Variants in SEMA3D observed in about 807,000 individuals in gnomAD.
The protein encoded by SEMA3D is semaphorin 3D.
SEMA3D carries 84 observed loss-of-function variants against 100.1 expected under a neutral mutation model. That is an observed-to-expected ratio of 0.84 (90% CI 0.70 to 1.01). The LOEUF (loss-of-function observed/expected upper bound fraction) is 1.01. Ranked by LOEUF, SEMA3D falls within the 50% of genes least tolerant of loss-of-function variation. SEMA3D has a pLI of 0.00. For synonymous variants in SEMA3D, 312 were observed against 320.7 expected (o/e 0.97, Z 0.29); for missense variants, 875 against 934.1 (o/e 0.94, Z 0.82).
chr7:85,144,692 G>A (rs1431845585), intron 2 of SEMA3D: 1 of 985,070 alleles, frequency 1.0e-6, no homozygotes, highest in Non-Finnish European at 1.2e-6. Flanking sequence ...AATTAAAGCT[G>A]TGTTTGTTCT....
intron 12 of SEMA3D, among the ~76,000 whole-genome samples, chr7:85,025,585 G>T (rs369855989): frequency 6.6e-6 from 1 of 151,950 alleles, no homozygotes; most frequent in Non-Finnish European, 1.5e-5. Flanking sequence ...TTTTCTCCCC[G>T]CAGCTTCAGG....
intron 3 of SEMA3D, among the ~76,000 whole-genome samples, chr7:85,113,510 T>C (rs1451699012): frequency 6.0e-5 from 9 of 150,950 alleles, no homozygotes; most frequent in East Asian, 2.0e-4. Flanking sequence ...CGGTGGTTCA[T>C]GCCTGTAATC....
chr7:85,126,399 T>TC (rs1562828057), intron 2 of SEMA3D, among the ~76,000 whole-genome samples: 23 of 122,012 alleles, frequency 1.9e-4, no homozygotes, highest in Non-Finnish European at 3.5e-4. Flanking sequence ...TGTGTGTGTG[T>TC]GTGTCGTGTG....
chr7:85,179,000 C>T (rs1360310521), intron 1 of SEMA3D, among the ~76,000 whole-genome samples: 1 of 152,144 alleles, frequency 6.6e-6, no homozygotes, highest in East Asian at 1.9e-4. Context: ...GGTGTTGGTC[C>T]TGCAGGTGCA....
chr7:85,006,756 A>G, intron 18 of SEMA3D, 46 bp downstream of exon 18: 2 of 1,492,858 alleles, frequency 1.3e-6, no homozygotes, highest in Non-Finnish European at 9.1e-7. Flanking sequence ...TCTCAATCGT[A>G]CACTATTTCC....
the SEMA3D span, among the ~76,000 whole-genome samples, chr7:85,249,795 C>A: frequency 2.0e-4 from 30 of 152,254 alleles, no homozygotes; most frequent in Non-Finnish European, 4.1e-4. Context: ...AGAAAAAATT[C>A]TCTAAAACTG....
At chr7:85,123,734 T>C (rs1157907519) in intron 2 of SEMA3D, among the ~76,000 whole-genome samples, 1 of 152,130 alleles carries the variant, frequency 6.6e-6, no homozygotes, top group East Asian at 1.9e-4. Flanking sequence ...AAGATACCTA[T>C]AAGGAATACT....
At chr7:85,168,655 T>C (rs1790980436) in intron 1 of SEMA3D, among the ~76,000 whole-genome samples, 1 of 149,364 alleles carries the variant, frequency 6.7e-6, no homozygotes, top group African/African-American at 2.5e-5. Flanking sequence ...TAATTACTTT[T>C]GCACCAACCT....
At chr7:85,014,952 G>C (rs1458403292) in intron 16 of SEMA3D, 107 bp downstream of exon 16, 2 of 753,082 alleles carry the variant, frequency 2.7e-6, no homozygotes, top group East Asian at 5.4e-5. Context: ...CATAGGACAT[G>C]TTAGTAATAT....
intron 2 of SEMA3D, among the ~76,000 whole-genome samples, chr7:85,122,211 T>G (rs1342610592): frequency 6.9e-6 from 1 of 144,236 alleles, no homozygotes; most frequent in Admixed American, 6.9e-5. Context: ...GTTTTGCACA[T>G]GTATCCCAGA....
At chr7:85,156,101 A>ATTTTT (rs3078417) in intron 1 of SEMA3D, among the ~76,000 whole-genome samples, 1 of 142,296 alleles carries the variant, frequency 7.0e-6, no homozygotes, top group Non-Finnish European at 1.5e-5. Context: ...AATATAAGTG[A>ATTTTT]TTTTTTTTTT....
intron 12 of SEMA3D, among the ~76,000 whole-genome samples, chr7:85,034,858 A>T (rs1790648462): frequency 6.6e-6 from 1 of 152,166 alleles, no homozygotes; most frequent in Admixed American, 6.6e-5. Context: ...GAAGCCTTGC[A>T]CACTGCTAGT....
intron 1 of SEMA3D, among the ~76,000 whole-genome samples, chr7:85,182,116 T>C (rs1791427158): frequency 6.7e-6 from 1 of 149,496 alleles, no homozygotes; most frequent in Non-Finnish European, 1.5e-5. Context: ...TTTAGGTATT[T>C]AAATTTAGGA....
intron 2 of SEMA3D, among the ~76,000 whole-genome samples, chr7:85,128,664 A>G (rs1312545553): frequency 4.0e-5 from 6 of 151,826 alleles, no homozygotes; most frequent in African/African-American, 1.2e-4. Context: ...TTTCCCCAGA[A>G]TTTATAATCT....
intron 2 of SEMA3D, chr7:85,144,617 A>G (rs1174374508): frequency 1.0e-6 from 1 of 984,104 alleles, no homozygotes; most frequent in Non-Finnish European, 1.2e-6. Context: ...TTATACACAT[A>G]TATACATTTT....
the SEMA3D span, among the ~76,000 whole-genome samples, chr7:85,194,472 T>C: frequency 6.7e-6 from 1 of 148,216 alleles, no homozygotes; most frequent in Non-Finnish European, 1.5e-5. Context: ...ATGTGTTTTT[T>C]CCTTTTCTTT....
intron 5 of SEMA3D, among the ~76,000 whole-genome samples, chr7:85,078,416 T>C (rs1360570463): frequency 6.6e-6 from 1 of 152,088 alleles, no homozygotes; most frequent in Admixed American, 6.5e-5. Flanking sequence ...GCTTTAACTT[T>C]GTGTAATGTC....
intron 6 of SEMA3D, among the ~76,000 whole-genome samples, chr7:85,070,222 G>C (rs1437474023): frequency 2.0e-5 from 3 of 152,120 alleles, no homozygotes; most frequent in Non-Finnish European, 2.9e-5. Flanking sequence ...CTAAATTCCA[G>C]CTCCAGTTGC....
intron 6 of SEMA3D, 28 bp downstream of exon 6, chr7:85,072,934 T>C: frequency 6.5e-7 from 1 of 1,549,286 alleles, no homozygotes; most frequent in Non-Finnish European, 8.8e-7. Flanking sequence ...CAATAAATTA[T>C]GCTTTTCATG....
Sources: gnomAD v4.1 joint callset for allele counts (sites outside exome capture counted in the v4.1 genomes callset) on GRCh38, gnomAD v4.1.1 for gene constraint, MANE v1.5 for transcripts, NCBI Gene and HGNC (gene_info 2026-07-23, HGNC 2026-07-21) for gene names.